The following ROBO1 variants were observed in gnomAD, a reference collection of about 807,000 sequenced individuals.
ROBO1 encodes roundabout homolog 1.
Under a neutral mutation model 195.9 loss-of-function variants are expected in ROBO1, and 149 were observed. The ratio of observed to expected loss-of-function variants is 0.76; its 90% CI spans 0.67 to 0.87. The LOEUF (loss-of-function observed/expected upper bound fraction) is 0.87. Among genes scored for constraint, ROBO1 ranks in the 40% least tolerant of loss-of-function variants. The pLI is 0.00. For missense variants in ROBO1, 1,933 were observed against 2,068.3 expected (o/e 0.93, Z 1.27); for synonymous variants, 816 against 733.2 (o/e 1.11, Z -1.82).
At chr3:79,030,136 G>A (rs2078267686) in intron 3 of ROBO1, among the ~76,000 whole-genome samples, 1 of 152,158 alleles carries the variant, frequency 6.6e-6, no homozygotes, top group African/African-American at 2.4e-5. Context: ...ATTTCCTAAT[G>A]GAAACCGGCA....
intron 3 of ROBO1, among the ~76,000 whole-genome samples, chr3:79,047,510 G>C (rs923947270): frequency 6.6e-6 from 1 of 152,048 alleles, no homozygotes; most frequent in Admixed American, 6.6e-5. Context: ...TGAAGCTAAG[G>C]GCAGGACTGT....
intron 2 of ROBO1, among the ~76,000 whole-genome samples, chr3:79,547,429 T>G (rs1313373741): frequency 6.6e-6 from 1 of 152,006 alleles, no homozygotes. Context: ...TCTCTAGAAG[T>G]TTTTACATTT....
intron 4 of ROBO1, among the ~76,000 whole-genome samples, chr3:78,850,804 T>G (rs1469990519): frequency 6.6e-6 from 1 of 150,846 alleles, no homozygotes; most frequent in South Asian, 2.1e-4. Context: ...TTTCTTTTCT[T>G]TTCTTTTTTT....
At chr3:78,999,683 C>A (rs574838031) in intron 3 of ROBO1, among the ~76,000 whole-genome samples, 14 of 152,166 alleles carry the variant, frequency 9.2e-5, no homozygotes, top group African/African-American at 3.4e-4. Context: ...AGATGTACCC[C>A]CTGAATCTAA....
At chr3:79,205,773 G>A (rs766238594) in intron 2 of ROBO1, among the ~76,000 whole-genome samples, 26 of 152,108 alleles carry the variant, frequency 1.7e-4, no homozygotes, top group Non-Finnish European at 3.4e-4. Context: ...ACATTAGTTA[G>A]TACCATCAGG....
chr3:79,682,185 C>G (rs1309872317), intron 1 of ROBO1, among the ~76,000 whole-genome samples: 2 of 151,974 alleles, frequency 1.3e-5, no homozygotes, highest in Admixed American at 6.6e-5. Flanking sequence ...TACCCATTTT[C>G]AGAAAGTTAT....
chr3:79,240,853 G>A (rs2082500877), intron 2 of ROBO1, among the ~76,000 whole-genome samples: 1 of 152,036 alleles, frequency 6.6e-6, no homozygotes, highest in South Asian at 2.1e-4. Flanking sequence ...ATGTTGTCCA[G>A]GATGTTCTCA....
At chr3:78,945,313 A>G (rs923380272) in intron 3 of ROBO1, among the ~76,000 whole-genome samples, 4 of 152,220 alleles carry the variant, frequency 2.6e-5, no homozygotes, top group Admixed American at 1.3e-4. Flanking sequence ...TACTACTCTG[A>G]GACAAAACTT....
At chr3:78,618,153 C>T in intron 26 of ROBO1, 112 bp from the exon 27 acceptor site, 1 of 1,144,630 alleles carries the variant, frequency 8.7e-7, no homozygotes, top group Non-Finnish European at 1.2e-6. Flanking sequence ...TTCTTTTGAG[C>T]TCATATGTTC....
chr3:79,084,904 A>G (rs973831640), intron 3 of ROBO1, among the ~76,000 whole-genome samples: 6 of 152,188 alleles, frequency 3.9e-5, no homozygotes, highest in African/African-American at 1.2e-4. Context: ...TTATTTTCTA[A>G]TAAGAGAAAA....
At chr3:79,738,970 G>T (rs1703507384) in intron 1 of ROBO1, among the ~76,000 whole-genome samples, 1 of 152,092 alleles carries the variant, frequency 6.6e-6, no homozygotes, top group Non-Finnish European at 1.5e-5. Flanking sequence ...ATCTGTGCAG[G>T]TTTACTGAAG....
intron 3 of ROBO1, among the ~76,000 whole-genome samples, chr3:78,958,819 CTTTTTTT>C (rs753439088): frequency 7.7e-5 from 10 of 130,602 alleles, no homozygotes; most frequent in South Asian, 2.5e-4. Flanking sequence ...CTTTCTTCTT[CTTTTTTT>C]TTTTTTTTTT....
At chr3:79,713,951 A>G (rs1702376839) in intron 1 of ROBO1, among the ~76,000 whole-genome samples, 1 of 151,706 alleles carries the variant, frequency 6.6e-6, no homozygotes, top group East Asian at 1.9e-4. Flanking sequence ...CCATTGGTCT[A>G]TATCTCTGTT....
chr3:79,189,559 T>C (rs2081501934), intron 2 of ROBO1, among the ~76,000 whole-genome samples: 2 of 151,658 alleles, frequency 1.3e-5, no homozygotes, highest in South Asian at 2.1e-4. Flanking sequence ...GTCTGAGTCT[T>C]TGAGTTAAGG....
intron 2 of ROBO1, among the ~76,000 whole-genome samples, chr3:79,303,031 G>T (rs1007087282): frequency 2.0e-5 from 3 of 150,708 alleles, no homozygotes; most frequent in Non-Finnish European, 4.4e-5. Flanking sequence ...TTATTCATTT[G>T]TTTGTTCATT....
chr3:79,118,813 C>T (rs1426803703), intron 3 of ROBO1, among the ~76,000 whole-genome samples: 4 of 149,440 alleles, frequency 2.7e-5, no homozygotes, highest in South Asian at 4.2e-4. Flanking sequence ...TGCATTGAGC[C>T]GAGACCCCAC....
chr3:78,780,945 G>T (rs1158806641), intron 4 of ROBO1, among the ~76,000 whole-genome samples: 1 of 151,978 alleles, frequency 6.6e-6, no homozygotes, highest in Non-Finnish European at 1.5e-5. Flanking sequence ...ATGATGTTAG[G>T]CACTGTCTTT....
intron 18 of ROBO1, among the ~76,000 whole-genome samples, 153 bp from the exon 19 acceptor site, chr3:78,652,082 C>G (rs573840423): frequency 6.6e-6 from 1 of 152,298 alleles, no homozygotes; most frequent in East Asian, 1.9e-4. Flanking sequence ...ATAGTTCATA[C>G]TGTTTTCAGC....
Position 78,639,848 on chromosome 3 carries a change from T to A in ROBO1, c.2933A>T (p.Asp978Val). The A allele has an allele frequency of 6.2e-7, 1 of 1,612,754 alleles. No individual in the cohort carries two copies. Among genetic ancestry groups the A allele is most frequent in the Non-Finnish European group, 8.5e-7 (1 of 1,179,250 alleles). The change falls in exon 22 of 31, where the codon GAC becomes GTC. Residue 978 changes from aspartate to valine, a missense_variant. Physicochemically the swap from Asp to Val is radical, Grantham distance 152 (BLOSUM62 -3). Around this residue, in one of 3 missense-constraint regions of ROBO1, gnomAD observed 1,737 missense variants for 1,882.5 expected, o/e 0.92. Coordinates refer to ENST00000464233, the MANE Select transcript of ROBO1 (RefSeq NM_002941.4). ...SEPAAQPWLA[D>V]TWPNTGNNHN... is the part of the protein sequence containing the mutation. ...GTTGTTGCCAGTATTAGGCCACGTG[T>A]CTGCCAGCCATGGCTGCGCGGCAGG...
Sources: gnomAD v4.1 joint callset for allele counts (sites outside exome capture counted in the v4.1 genomes callset) on GRCh38, gnomAD v4.1.1 for gene constraint, gnomAD v4.1.1 regional missense constraint, MANE v1.5 for transcripts, NCBI Gene and HGNC (gene_info 2026-07-23, HGNC 2026-07-21) for gene names.